ATG7: variants seen among roughly 807,000 people sequenced by gnomAD.
The protein encoded by ATG7 is autophagy related 7, also known as ubiquitin-like modifier-activating enzyme ATG7.
A neutral mutation model predicts 82.4 loss-of-function variants in ATG7; 70 were observed. That is an observed-to-expected ratio of 0.85 (90% confidence interval 0.70 to 1.04). ATG7 has a LOEUF of 1.04. Among genes scored for constraint, ATG7 ranks in the 50% least tolerant of loss-of-function variants. ATG7 has a pLI of 0.00. For missense variants in ATG7, 792 were observed against 864.3 expected (o/e 0.92, Z 1.05); for synonymous variants, 287 against 313.0 (o/e 0.92, Z 0.88).
chr3:11,364,810 C>A, intron 18 of ATG7, 76 bp downstream of exon 18: 1 of 1,490,462 alleles, frequency 6.7e-7, no homozygotes, highest in Non-Finnish European at 9.3e-7. Flanking sequence ...GCCATTCCAT[C>A]TGCCCAGCCC....
chr3:11,290,884 C>T (rs551680495), intron 3 of ATG7, among the ~76,000 whole-genome samples: 1 of 152,140 alleles, frequency 6.6e-6, no homozygotes, highest in African/African-American at 2.4e-5. Context: ...GGGGTTTCGC[C>T]ATGTTGGTCA....
At chr3:11,298,619 A>G in intron 3 of ATG7, 67 bp from the exon 4 acceptor site, 1 of 1,457,892 alleles carries the variant, frequency 6.9e-7, no homozygotes, top group African/African-American at 1.4e-5. Context: ...TTTATTACAA[A>G]TGTTCTTTCT....
At chr3:11,568,581 T>A in the ATG7 span, 1 of 1,557,626 alleles carries the variant, frequency 6.4e-7, no homozygotes, top group East Asian at 2.4e-5. This position sits in a 1 kb window ranked among gnomAD's most constrained non-coding sequence, Gnocchi z 5.9. Context: ...CTGGTTAATT[T>A]TAGTAAAATT....
At chr3:11,468,752 G>T (rs2087097031) in intron 20 of ATG7, among the ~76,000 whole-genome samples, 1 of 152,204 alleles carries the variant, frequency 6.6e-6, no homozygotes. Context: ...AATGCCCAGG[G>T]ACTGTACGCA....
Position 11,342,280 on chromosome 3 carries a change from G to GT in ATG7, c.1125+2dup. The GT allele has an allele frequency of 6.2e-7, 1 of 1,611,154 alleles. No homozygotes were observed. The highest frequency in any genetic ancestry group is 8.5e-7 in the Non-Finnish European group (1 of 1,179,286). ...TTGCAATGTAGCTAGGACGTTGATGGTAAGTCGGAGGTGGGGGGTGCAAAT... is the reference window on the plus strand; with the variant it reads ...TTGCAATGTAGCTAGGACGTTGATGGTTAAGTCGGAGGTGGGGGGTGCAAAT... On this transcript the variant is annotated splice_donor_variant, in intron 13 of 20. Transcript: ENST00000693202. LOFTEE classifies it high-confidence loss of function.
rs570014808 is a variant in ATG7 at position 11,306,917 on chromosome 3, A to G, written c.216-26A>G. The stretch of plus-strand genomic sequence containing the variant: ...CCTGGCTGAGTCCCAGCTGTGCCTG[A>G]CTAACCGTGTTTCTCTTGTATCTAG... On this transcript the variant is annotated intron_variant, in intron 5 of 20. Transcript: ENST00000693202. 1.8e-4 allele frequency: 280 copies of G among 1,593,636 alleles called. 2 individuals are homozygous for G. In the South Asian group the frequency reaches 2.4e-3, roughly 14 times the overall value.
chr3:11,482,710 A>G (rs2089148269), intron 20 of ATG7, among the ~76,000 whole-genome samples: 1 of 151,902 alleles, frequency 6.6e-6, no homozygotes, highest in Non-Finnish European at 1.5e-5. Context: ...CCTCTTCCAT[A>G]CTAGCACCAT....
rs146926909 is a variant in ATG7, at chr3:11,486,077, A to T, written c.2079+59151A>T. 2.6e-3 allele frequency among the ~76,000 whole-genome samples: 396 copies of T among 152,296 alleles called. 1 individual carries two copies. Among genetic ancestry groups the T allele is most frequent in the Admixed American group, 4.1e-3 (63 of 15,298 alleles). ...TAAGTAGTTTTTTCCAATTCTGTGA[A>T]GAAGGTCCTTGGTAGCTTGATGGGG... On this transcript the variant is annotated intron_variant, in intron 20 of 20. Coordinates refer to ENST00000693202, the MANE Select transcript of ATG7 (RefSeq NM_001349232.2).
chr3:11,457,238 A>T (rs1020553087), intron 20 of ATG7, among the ~76,000 whole-genome samples: 6 of 152,152 alleles, frequency 3.9e-5, no homozygotes, highest in Admixed American at 1.3e-4. Context: ...GGTTAGAAGT[A>T]TTGTTTCCCA....
intron 2 of ATG7, among the ~76,000 whole-genome samples, chr3:11,281,774 C>CAAA (rs537058033): frequency 3.5e-5 from 2 of 56,392 alleles, no homozygotes; most frequent in African/African-American, 6.5e-5. Context: ...AACTCCATCT[C>CAAA]AAAAAAAAAA....
At chr3:11,554,053 G>A (rs532574025) in intron 20 of ATG7, among the ~76,000 whole-genome samples, 2 of 152,294 alleles carry the variant, frequency 1.3e-5, no homozygotes, top group East Asian at 3.9e-4. Context: ...TCTCCCTGGG[G>A]GCTGACACCA....
chr3:11,570,472 G>A, the ATG7 span, among the ~76,000 whole-genome samples: 2 of 152,202 alleles, frequency 1.3e-5, no homozygotes, highest in Non-Finnish European at 2.9e-5. Context: ...TGGCTGGACC[G>A]TGCACTCCCG....
At chr3:11,274,336 G>A (rs1356161801) in intron 1 of ATG7, among the ~76,000 whole-genome samples, 1 of 152,074 alleles carries the variant, frequency 6.6e-6, no homozygotes, top group Non-Finnish European at 1.5e-5. Context: ...AGATAGCAAC[G>A]GTATGGCATG....
intron 20 of ATG7, among the ~76,000 whole-genome samples, chr3:11,474,365 C>A (rs935977076): frequency 6.6e-6 from 1 of 152,212 alleles, no homozygotes; most frequent in Admixed American, 6.5e-5. Flanking sequence ...TTGAGAGGCC[C>A]GAGGTAGGTG....
intron 20 of ATG7, among the ~76,000 whole-genome samples, chr3:11,499,983 A>G (rs550767580): frequency 6.6e-6 from 1 of 152,282 alleles, no homozygotes; most frequent in South Asian, 2.1e-4. Flanking sequence ...TGGGCCACAA[A>G]CGCCACAAGT....
rs923650854 is a variant in ATG7 at position 11,527,081 on chromosome 3, A to G, written c.2080-27730A>G. ...TGTGTGTGTGTGTGTGTATATATAT[A>G]TATATATATATACATACATATACAT... On this transcript the variant is annotated intron_variant, in intron 20 of 20. Coordinates refer to ENST00000693202, the MANE Select transcript of ATG7 (RefSeq NM_001349232.2). Among the ~76,000 whole-genome samples the G allele has an allele frequency of 2.6e-3, 387 of 148,072 alleles. 2 individuals carry two copies. The highest frequency in any genetic ancestry group is 9.0e-3 in the African/African-American group (363 of 40,554).
At chr3:11,281,610 T>TA (rs1943048861) in intron 2 of ATG7, among the ~76,000 whole-genome samples, 1 of 151,880 alleles carries the variant, frequency 6.6e-6, no homozygotes, top group Non-Finnish European at 1.5e-5. Flanking sequence ...CTATCTCTAC[T>TA]AAAAATACAA....
intron 6 of ATG7, among the ~76,000 whole-genome samples, chr3:11,307,871 A>G (rs1250577554): frequency 3.3e-5 from 5 of 152,258 alleles, no homozygotes; most frequent in African/African-American, 4.8e-5. Context: ...ATCCCTCGGG[A>G]TGGACGCAGC....
At chr3:11,355,233 G>A (rs1461293353) in intron 14 of ATG7, among the ~76,000 whole-genome samples, 1 of 152,166 alleles carries the variant, frequency 6.6e-6, no homozygotes, top group Non-Finnish European at 1.5e-5. Flanking sequence ...TCTGTATACG[G>A]AGTGGAGAGA....
Sources: allele counts gnomAD v4.1 joint callset (sites outside exome capture counted in the v4.1 genomes callset), GRCh38; gene constraint gnomAD v4.1.1; non-coding constraint Gnocchi (gnomAD v3.1); transcripts MANE v1.5; gene names NCBI Gene and HGNC (gene_info 2026-07-23, HGNC 2026-07-21).